PLEKHA2: variants seen among roughly 807,000 people sequenced by gnomAD.
PLEKHA2 encodes pleckstrin homology domain containing A2, also known as pleckstrin homology domain-containing family A member 2.
Under a neutral mutation model 53.2 loss-of-function variants are expected in PLEKHA2, and 28 were observed. The observed-to-expected ratio is 0.53, with a 90% CI of 0.39 to 0.72. The LOEUF is 0.72. Among genes scored for constraint, PLEKHA2 ranks in the 30% least tolerant of loss-of-function variants. The probability of loss-of-function intolerance (pLI) is 0.00; values close to 1 mark genes in which losing one functional copy is unlikely to be tolerated. For missense variants in PLEKHA2, 426 were observed against 537.9 expected (o/e 0.79, Z 2.06); for synonymous variants, 193 against 196.4 (o/e 0.98, Z 0.14).
chr8:38,914,659 T>C (rs978875928), intron 1 of PLEKHA2, among the ~76,000 whole-genome samples: 5 of 152,224 alleles, frequency 3.3e-5, no homozygotes, highest in African/African-American at 4.8e-5. Flanking sequence ...ACGTGGTGCT[T>C]TGGGATCCCT....
intron 10 of PLEKHA2, among the ~76,000 whole-genome samples, chr8:38,966,579 G>A (rs1224286744): frequency 1.3e-5 from 2 of 152,066 alleles, no homozygotes; most frequent in Non-Finnish European, 2.9e-5. Flanking sequence ...AAGCTGGAGG[G>A]CACTGACAGG....
At chr8:38,968,768 C>T (rs74357340) in intron 11 of PLEKHA2, 99 bp downstream of exon 11, 59,020 of 1,231,976 alleles carry the variant, frequency 0.048, 1,639 homozygotes, top group Non-Finnish European at 0.055. Flanking sequence ...AGCCTGGTCC[C>T]GAGGTGCAGC....
intron 4 of PLEKHA2, among the ~76,000 whole-genome samples, chr8:38,944,849 G>A (rs1247738983): frequency 6.6e-6 from 1 of 152,200 alleles, no homozygotes; most frequent in Non-Finnish European, 1.5e-5. Context: ...TTGTCCATAT[G>A]CATTTCAGTT....
At position 38,936,320 on chromosome 8, in the gene PLEKHA2, G is replaced by A. The variant is rs368299338; in HGVS notation, c.198+270G>A. On this transcript the variant is annotated intron_variant, in intron 3 of 11. Coordinates refer to ENST00000617275, the MANE Select transcript of PLEKHA2 (RefSeq NM_021623.2). ...AATGCTCCCAGCTCCTGCGCAGGAGGTGTTATGTGGTGGTGGAGCTGGGGT... is the reference window on the plus strand; with the variant it reads ...AATGCTCCCAGCTCCTGCGCAGGAGATGTTATGTGGTGGTGGAGCTGGGGT... Among the ~76,000 whole-genome samples the A allele has an allele frequency of 3.0e-3, 457 of 152,286 alleles. 3 individuals carry two copies. The highest frequency in any genetic ancestry group is 0.011 in the African/African-American group (441 of 41,552).
chr8:38,906,535 G>A lies in PLEKHA2; in HGVS notation c.-24+5090G>A, dbSNP rs528720949. ...CAGCACCCTGTCTGATCCGCCCCCC[G>A]CCATTCCTGTACATGTTTGCATTCC... On this transcript the variant is annotated intron_variant, in intron 1 of 11. Transcript: ENST00000617275. 8.7e-4 allele frequency among the ~76,000 whole-genome samples: 132 copies of A among 152,140 alleles called. 1 individual carries two copies. Among genetic ancestry groups the A allele is most frequent in the African/African-American group, 3.0e-3 (123 of 41,512 alleles).
At chr8:38,927,379 G>A (rs954397445) in intron 2 of PLEKHA2, among the ~76,000 whole-genome samples, 1 of 152,092 alleles carries the variant, frequency 6.6e-6, no homozygotes, top group Non-Finnish European at 1.5e-5. Flanking sequence ...GGTGGCATAT[G>A]TCTGTAGTCC....
chr8:38,926,141 T>A (rs564680437), intron 2 of PLEKHA2, among the ~76,000 whole-genome samples: 1 of 152,170 alleles, frequency 6.6e-6, no homozygotes, highest in Non-Finnish European at 1.5e-5. Context: ...TTCAGCAAAT[T>A]GTTTGGGCAA....
At chr8:38,943,700 A>G in intron 3 of PLEKHA2, 89 bp from the exon 4 acceptor site, 1 of 984,624 alleles carries the variant, frequency 1.0e-6, no homozygotes, top group Non-Finnish European at 1.5e-6. Context: ...TGTTTAATGT[A>G]CTCTTTATAT....
chr8:38,940,164 G>A (rs550039915), intron 3 of PLEKHA2, among the ~76,000 whole-genome samples: 43 of 151,478 alleles, frequency 2.8e-4, no homozygotes, highest in African/African-American at 5.8e-4. Flanking sequence ...TTGGGAGACC[G>A]AGGTGGGTGG....
At chr8:38,915,828 A>T (rs980548833) in intron 1 of PLEKHA2, among the ~76,000 whole-genome samples, 2 of 152,034 alleles carry the variant, frequency 1.3e-5, no homozygotes, top group Admixed American at 1.3e-4. Context: ...TTTTAGAAAA[A>T]TTTTTTATGT....
chr8:38,952,176 A>T lies in PLEKHA2; in HGVS notation c.497A>T (p.Asp166Val). 6.2e-7 allele frequency: 1 copy of T among 1,612,922 alleles called. No individual in the cohort carries two copies. Reference sequence around the variant, plus strand: ...ACTGTTTCCTTGCAGAACGGTGGGGATGGGCAGGAAGGGAGTGAGCCCGGG... The same window carrying T: ...ACTGTTTCCTTGCAGAACGGTGGGGTTGGGCAGGAAGGGAGTGAGCCCGGG... ...VHTPISQNGG[D>V]GQEGSEPGSH... Residue 166 changes from aspartate to valine, a missense_variant, in exon 7 of 12, where the codon GAT becomes GTT. Transcript: ENST00000617275.
At chr8:38,958,801 G>A (rs933231921) in intron 10 of PLEKHA2, among the ~76,000 whole-genome samples, 3 of 152,196 alleles carry the variant, frequency 2.0e-5, no homozygotes, top group African/African-American at 4.8e-5. Flanking sequence ...TGGGCATTTT[G>A]TCTCAGGCTG....
In PLEKHA2 at chr8:38,971,131, G is replaced by A. The variant is rs891288551; in HGVS notation, c.*1348G>A. ...AACACTTGATGAGAAAATCCTTTGTGGCTTGAGGGGAATCATGTTTCTTTC... is the reference window on the plus strand; with the variant it reads ...AACACTTGATGAGAAAATCCTTTGTAGCTTGAGGGGAATCATGTTTCTTTC... On this transcript the variant is annotated 3_prime_UTR_variant, in exon 12 of 12. Transcript: ENST00000617275. The A allele has an allele frequency of 6.6e-6, 1 of 152,184 alleles. No homozygotes were observed. Among genetic ancestry groups the A allele is most frequent in the Non-Finnish European group, 1.5e-5 (1 of 68,034 alleles). The allele number at this position is 152,184 out of a possible 1,614,324, so 9.4% of individuals were successfully genotyped here.
intron 2 of PLEKHA2, among the ~76,000 whole-genome samples, chr8:38,934,910 C>T (rs2129418896): frequency 6.6e-6 from 1 of 152,248 alleles, no homozygotes; most frequent in East Asian, 1.9e-4. Context: ...AGGACAGAGT[C>T]AGTGAGATCT....
Position 38,931,065 on chromosome 8 carries a change from G to A in PLEKHA2, c.142-4929G>A, listed in dbSNP as rs530743322. On this transcript the variant is annotated intron_variant, in intron 2 of 11. Transcript: ENST00000617275. ...GGCCAGGGCGGGCGGATCACCTGATGTCAGGAGTTTGAGATCAGCCTGGCC... is the reference window on the plus strand; with the variant it reads ...GGCCAGGGCGGGCGGATCACCTGATATCAGGAGTTTGAGATCAGCCTGGCC... 4.6e-5 allele frequency among the ~76,000 whole-genome samples: 7 copies of A among 152,336 alleles called. No homozygotes were observed. In the South Asian group the frequency reaches 1.2e-3, roughly 27 times the overall value.
At chr8:38,926,415 C>T (rs1444028037) in intron 2 of PLEKHA2, among the ~76,000 whole-genome samples, 1 of 143,568 alleles carries the variant, frequency 7.0e-6, no homozygotes, top group South Asian at 2.2e-4. Flanking sequence ...AGGGTTCTTA[C>T]TCCGTCTCCG....
At chr8:38,931,253 T>A (rs1360196987) in intron 2 of PLEKHA2, among the ~76,000 whole-genome samples, 1 of 152,130 alleles carries the variant, frequency 6.6e-6, no homozygotes, top group African/African-American at 2.4e-5. Flanking sequence ...ATATCCAGCC[T>A]GGGCAACGGA....
At chr8:38,950,030 C>T (rs1195007421) in intron 5 of PLEKHA2, among the ~76,000 whole-genome samples, 1 of 151,936 alleles carries the variant, frequency 6.6e-6, no homozygotes, top group African/African-American at 2.4e-5. Context: ...GTTCCTGGTT[C>T]CTTTTATTTA....
intron 9 of PLEKHA2, 54 bp from the exon 10 acceptor site, chr8:38,957,269 G>T (rs1417637191): frequency 1.4e-6 from 2 of 1,448,988 alleles, no homozygotes; most frequent in Non-Finnish European, 1.9e-6. Context: ...GACATATCGA[G>T]TCCTCTCTGA....
Sources: gnomAD v4.1 joint callset for allele counts (sites outside exome capture counted in the v4.1 genomes callset) on GRCh38, gnomAD v4.1.1 for gene constraint, MANE v1.5 for transcripts, NCBI Gene and HGNC (gene_info 2026-07-23, HGNC 2026-07-21) for gene names.